Variants in COL22A1 observed in about 807,000 individuals in gnomAD.
COL22A1 encodes the protein collagen alpha-1(XXII) chain.
A neutral mutation model predicts 248.9 loss-of-function variants in COL22A1; 221 were observed. The observed-to-expected ratio is 0.89, with a 90% CI of 0.80 to 0.99. The LOEUF (loss-of-function observed/expected upper bound fraction) is 0.99, where lower values mean the gene tolerates loss of function less well. Among genes scored for constraint, COL22A1 ranks in the 50% least tolerant of loss-of-function variants. The probability of loss-of-function intolerance (pLI) is 0.00; values close to 1 mark genes in which losing one functional copy is unlikely to be tolerated. For synonymous variants in COL22A1, 891 were observed against 793.4 expected (o/e 1.12, Z -2.07); for missense variants, 2,240 against 2,179.0 (o/e 1.03, Z -0.56).
At chr8:138,809,528 C>CTTTTTTTTTTTTTTTTTTTTTTTTTTTT (rs71518485) in intron 9 of COL22A1, among the ~76,000 whole-genome samples, 6 of 117,628 alleles carry the variant, frequency 5.1e-5, no homozygotes, top group Non-Finnish European at 7.1e-5. Context: ...TTTTCTTTTT[C>CTTTTTTTTTTTTTTTTTTTTTTTTTTTT]TTTTTTTTTT....
intron 51 of COL22A1, among the ~76,000 whole-genome samples, chr8:138,625,647 A>C (rs775423830): frequency 5.9e-5 from 9 of 152,232 alleles, no homozygotes; most frequent in Non-Finnish European, 1.2e-4. Context: ...CATCATAAAG[A>C]AATTTTTAAA....
chr8:138,743,387 G>A (rs1243099721), intron 22 of COL22A1, among the ~76,000 whole-genome samples: 1 of 151,304 alleles, frequency 6.6e-6, no homozygotes, highest in Non-Finnish European at 1.5e-5. Flanking sequence ...GATGATGGTA[G>A]TAGTGATTGT....
At chr8:138,667,576 G>C (rs999298041) in intron 41 of COL22A1, among the ~76,000 whole-genome samples, 1 of 152,158 alleles carries the variant, frequency 6.6e-6, no homozygotes, top group Non-Finnish European at 1.5e-5. Context: ...CAAGATGCTA[G>C]GGAACCAAGT....
At chr8:138,818,118 A>G (rs1818824050) in intron 7 of COL22A1, among the ~76,000 whole-genome samples, 1 of 152,166 alleles carries the variant, frequency 6.6e-6, no homozygotes, top group Non-Finnish European at 1.5e-5. Flanking sequence ...ATCTTTGGAC[A>G]TGTTCGTTAT....
chr8:138,744,300 CAAT>C (rs1831932371), intron 22 of COL22A1, among the ~76,000 whole-genome samples: 1 of 152,160 alleles, frequency 6.6e-6, no homozygotes, highest in Non-Finnish European at 1.5e-5. Flanking sequence ...TAACCTTCAA[CAAT>C]AATGAGACCC....
chr8:138,660,852 AT>A (rs1823791756), intron 43 of COL22A1, among the ~76,000 whole-genome samples: 4 of 127,414 alleles, frequency 3.1e-5, no homozygotes, highest in Non-Finnish European at 5.2e-5. Flanking sequence ...ACACACACAC[AT>A]ACACAGACAC....
intron 11 of COL22A1, among the ~76,000 whole-genome samples, chr8:138,802,503 A>G (rs1450970140): frequency 6.6e-6 from 1 of 151,954 alleles, no homozygotes; most frequent in African/African-American, 2.4e-5. Context: ...GGCATGGGGA[A>G]GAGAAAACAG....
At chr8:138,691,671 GTA>G (rs1193012963) in intron 35 of COL22A1, among the ~76,000 whole-genome samples, 6 of 135,408 alleles carry the variant, frequency 4.4e-5, no homozygotes, top group South Asian at 2.5e-4. Context: ...GTGGGGGTGT[GTA>G]TATGTGTACA....
At chr8:138,589,488 G>T in intron 64 of COL22A1, 48 bp from the exon 65 acceptor site, 1 of 1,393,428 alleles carries the variant, frequency 7.2e-7, no homozygotes, top group South Asian at 1.5e-5. Context: ...GATCCTTCTG[G>T]GAGGGGATGG....
chr8:138,756,930 C>T (rs1463721105), intron 18 of COL22A1, among the ~76,000 whole-genome samples: 2 of 152,174 alleles, frequency 1.3e-5, no homozygotes, highest in Non-Finnish European at 2.9e-5. Flanking sequence ...ACCTTGAGTG[C>T]CAGTTTTCTT....
chr8:138,751,665 C>G (rs541683784), intron 21 of COL22A1, among the ~76,000 whole-genome samples, 154 bp from the exon 22 acceptor site: 46 of 152,312 alleles, frequency 3.0e-4, no homozygotes, highest in African/African-American at 1.0e-3. Context: ...TCTCTCAAAC[C>G]TATAACACTT....
At chr8:138,866,856 A>AG (rs1161994034) in intron 3 of COL22A1, among the ~76,000 whole-genome samples, 1 of 152,202 alleles carries the variant, frequency 6.6e-6, no homozygotes. Context: ...TGTCACACAG[A>AG]GTGGGCCGCT....
At chr8:138,815,078 G>C (rs764692307) in intron 7 of COL22A1, among the ~76,000 whole-genome samples, 1 of 152,108 alleles carries the variant, frequency 6.6e-6, no homozygotes, top group Non-Finnish European at 1.5e-5. Context: ...GCTTTCTCTT[G>C]CCTGTTGCCA....
At chr8:138,756,895 C>A (rs549292703) in intron 18 of COL22A1, among the ~76,000 whole-genome samples, 1 of 152,144 alleles carries the variant, frequency 6.6e-6, no homozygotes. Flanking sequence ...CTAAAAATCC[C>A]GATCCATCAT....
chr8:138,870,257 G>T (rs1428354838), intron 3 of COL22A1, among the ~76,000 whole-genome samples: 1 of 151,816 alleles, frequency 6.6e-6, no homozygotes, highest in African/African-American at 2.4e-5. Context: ...GTCTGTGTGG[G>T]TGCTGTTTGT....
At chr8:138,619,763 C>A (rs1819622098) in intron 52 of COL22A1, among the ~76,000 whole-genome samples, 1 of 151,970 alleles carries the variant, frequency 6.6e-6, no homozygotes. Flanking sequence ...TGCTTAGTAC[C>A]CCCCTTTCAC....
At chr8:138,849,199 C>T (rs907532984) in intron 3 of COL22A1, among the ~76,000 whole-genome samples, 6 of 152,200 alleles carry the variant, frequency 3.9e-5, no homozygotes, top group Admixed American at 6.5e-5. Context: ...ACTGAGCGCC[C>T]GCGTGGCTAG....
At chr8:138,826,391 G>C (rs1819582031) in intron 6 of COL22A1, among the ~76,000 whole-genome samples, 1 of 152,144 alleles carries the variant, frequency 6.6e-6, no homozygotes, top group African/African-American at 2.4e-5. Flanking sequence ...TCCTTGGCTA[G>C]ACCAAGTGTC....
intron 58 of COL22A1, 97 bp from the exon 59 acceptor site, chr8:138,604,866 T>G: frequency 9.4e-7 from 1 of 1,058,744 alleles, no homozygotes. Flanking sequence ...CAAGTCATGT[T>G]CCAGCAAAGA....
Sources: allele counts gnomAD v4.1 joint callset (sites outside exome capture counted in the v4.1 genomes callset), GRCh38; gene constraint gnomAD v4.1.1; transcripts MANE v1.5; gene names NCBI Gene and HGNC (gene_info 2026-07-23, HGNC 2026-07-21).